The following PPM1H variants were observed in gnomAD, a reference collection of about 807,000 sequenced individuals.
PPM1H encodes protein phosphatase, Mg2+/Mn2+ dependent 1H.
In PPM1H, 27 loss-of-function variants were observed where a neutral mutation model predicts 54.9. That is an observed-to-expected ratio of 0.49 (90% CI 0.36 to 0.68). The LOEUF is 0.68. Among genes scored for constraint, PPM1H ranks in the 30% least tolerant of loss-of-function variants. The pLI is 0.00. For synonymous variants in PPM1H, 305 were observed against 270.8 expected (o/e 1.13, Z -1.24); for missense variants, 596 against 667.8 (o/e 0.89, Z 1.19).
chr12:62,832,032 G>C (rs1868370079), intron 2 of PPM1H, 82 bp downstream of exon 2: 2 of 1,478,830 alleles, frequency 1.4e-6, no homozygotes, highest in Non-Finnish European at 9.3e-7. Flanking sequence ...CCAGATTTAG[G>C]TGAAGCCCTA....
intron 4 of PPM1H, among the ~76,000 whole-genome samples, chr12:62,769,753 C>T (rs903701925): frequency 9.9e-5 from 15 of 152,012 alleles, no homozygotes; most frequent in African/African-American, 3.1e-4. Flanking sequence ...TTAAGGAATG[C>T]CTGGGAGAAA....
chr12:62,934,365 G>A lies in PPM1H; in HGVS notation c.245+127C>T. 2.3e-6 allele frequency: 3 copies of A among 1,294,712 alleles called. No homozygotes were observed. Among genetic ancestry groups the A allele is most frequent in the South Asian group, 1.6e-5 (1 of 61,236 alleles). The allele number at this position is 1,294,712 out of a possible 1,614,324, so 80.2% of individuals were successfully genotyped here. A position where few individuals can be genotyped will look rare whatever the true frequency, so the allele number is the denominator to read the frequency against. ...GGCCAGTGTAAGTAAAGAGCTCCCC[G>A]CCGAGGCCTGGACGCCGGCAGCTAG... On this transcript the variant is annotated intron_variant, in intron 1 of 9. Coordinates refer to ENST00000228705, the MANE Select transcript of PPM1H (RefSeq NM_020700.2). The surrounding 1 kb of genome is among the most constrained non-coding windows in gnomAD (Gnocchi z 4.2).
intron 1 of PPM1H, among the ~76,000 whole-genome samples, chr12:62,878,630 A>AG (rs1870270535): frequency 7.4e-6 from 1 of 135,726 alleles, no homozygotes; most frequent in African/African-American, 3.0e-5. Flanking sequence ...TACGCTTAAA[A>AG]AAAAAAAAAA....
At chr12:62,852,058 GTC>G (rs919948602) in intron 1 of PPM1H, among the ~76,000 whole-genome samples, 3 of 151,684 alleles carry the variant, frequency 2.0e-5, no homozygotes, top group African/African-American at 4.8e-5. Flanking sequence ...GTGAAACCCT[GTC>G]TCTACTAAAA....
intron 9 of PPM1H, among the ~76,000 whole-genome samples, chr12:62,658,656 T>G (rs74095849): frequency 0.063 from 9,631 of 152,134 alleles, 365 homozygotes; most frequent in African/African-American, 0.097. Context: ...CAACCTCCAT[T>G]ACCTGCAGCA....
At chr12:62,813,431 A>G (rs1388238598) in intron 2 of PPM1H, among the ~76,000 whole-genome samples, 1 of 152,212 alleles carries the variant, frequency 6.6e-6, no homozygotes, top group Non-Finnish European at 1.5e-5. Context: ...CGTGGTACGT[A>G]AGTCAATCCT....
chr12:62,701,385 G>A (rs1001803768), intron 6 of PPM1H, among the ~76,000 whole-genome samples: 1 of 152,164 alleles, frequency 6.6e-6, no homozygotes, highest in African/African-American at 2.4e-5. Context: ...TTACCCTAAT[G>A]AGCAGCAGTT....
intron 1 of PPM1H, among the ~76,000 whole-genome samples, chr12:62,882,308 T>C (rs902823357): frequency 6.6e-6 from 1 of 152,160 alleles, no homozygotes; most frequent in Non-Finnish European, 1.5e-5. Context: ...ACATACCAGA[T>C]TGAGTAGCTA....
At chr12:62,885,332 C>T (rs949681050) in intron 1 of PPM1H, among the ~76,000 whole-genome samples, 1 of 152,140 alleles carries the variant, frequency 6.6e-6, no homozygotes, top group Non-Finnish European at 1.5e-5. Context: ...CTGGCTCCTT[C>T]CTTAGGCAGT....
chr12:62,882,615 G>C (rs1385742142), intron 1 of PPM1H, among the ~76,000 whole-genome samples: 2 of 152,188 alleles, frequency 1.3e-5, no homozygotes, highest in African/African-American at 4.8e-5. Context: ...CATTCTCCTT[G>C]CTCCACGTTC....
At chr12:62,759,091 C>G (rs888473274) in intron 4 of PPM1H, among the ~76,000 whole-genome samples, 25 of 152,336 alleles carry the variant, frequency 1.6e-4, no homozygotes, top group Non-Finnish European at 2.6e-4. Flanking sequence ...AATCCACCAC[C>G]CTTTGCTGAC....
At chr12:62,732,853 G>C (rs897342499) in intron 5 of PPM1H, among the ~76,000 whole-genome samples, 1 of 152,098 alleles carries the variant, frequency 6.6e-6, no homozygotes, top group African/African-American at 2.4e-5. Flanking sequence ...TATAAAATTT[G>C]ATTTACCCTA....
intron 1 of PPM1H, among the ~76,000 whole-genome samples, chr12:62,886,895 G>A (rs1346954983): frequency 6.6e-6 from 1 of 152,220 alleles, no homozygotes; most frequent in African/African-American, 2.4e-5. Context: ...AATCATGTTG[G>A]CATTTAGAAA....
chr12:62,844,922 G>A lies in PPM1H; in HGVS notation c.246-12643C>T, dbSNP rs1868903409. On this transcript the variant is annotated intron_variant, in intron 1 of 9. Coordinates refer to ENST00000228705, the MANE Select transcript of PPM1H (RefSeq NM_020700.2). This position sits in a 1 kb window ranked among gnomAD's most constrained non-coding sequence, Gnocchi z 5.2. ...AAATTAATTATAAGCACTTCTACTAGGAAATGAGCTTGGGAGTAGGATATG... is the reference window on the plus strand; with the variant it reads ...AAATTAATTATAAGCACTTCTACTAAGAAATGAGCTTGGGAGTAGGATATG... Among the ~76,000 whole-genome samples, 1 of 152,140 alleles carries A rather than the reference G, an allele frequency of 6.6e-6. No individual in the cohort carries two copies. Among genetic ancestry groups the A allele is most frequent in the Non-Finnish European group, 1.5e-5 (1 of 68,020 alleles).
chr12:62,670,755 T>G (rs1199144924), intron 8 of PPM1H, among the ~76,000 whole-genome samples: 2 of 152,190 alleles, frequency 1.3e-5, no homozygotes, highest in African/African-American at 4.8e-5. Context: ...TGAAAATCCT[T>G]CTCAAGACCG....
intron 4 of PPM1H, among the ~76,000 whole-genome samples, chr12:62,739,378 G>A (rs991090605): frequency 6.6e-6 from 1 of 152,068 alleles, no homozygotes; most frequent in African/African-American, 2.4e-5. Context: ...ACAGGATGGA[G>A]AAACACAGGA....
chr12:62,852,740 A>G (rs1375340535), intron 1 of PPM1H, among the ~76,000 whole-genome samples: 6 of 152,244 alleles, frequency 3.9e-5, no homozygotes, highest in African/African-American at 1.4e-4. Flanking sequence ...TCATGGAGAT[A>G]AACATACCTT....
chr12:62,678,752 G>A (rs747070338), intron 8 of PPM1H, among the ~76,000 whole-genome samples: 11 of 151,978 alleles, frequency 7.2e-5, no homozygotes, highest in East Asian at 1.9e-4. Flanking sequence ...GTGCAATGGC[G>A]TGATCTCAGC....
intron 1 of PPM1H, among the ~76,000 whole-genome samples, chr12:62,890,115 T>C (rs681594): frequency 0.12 from 18,774 of 152,176 alleles, 3,483 homozygotes; most frequent in African/African-American, 0.4. Flanking sequence ...GGCCAAAGAC[T>C]TTATCAGGCA....
Sources: allele counts gnomAD v4.1 joint callset (sites outside exome capture counted in the v4.1 genomes callset), GRCh38; gene constraint gnomAD v4.1.1; non-coding constraint Gnocchi (gnomAD v3.1); transcripts MANE v1.5; gene names NCBI Gene and HGNC (gene_info 2026-07-23, HGNC 2026-07-21).